The following NRG1 variants were observed in gnomAD, a reference collection of about 807,000 sequenced individuals.
NRG1 encodes the protein pro-neuregulin-1, membrane-bound isoform.
A neutral mutation model predicts 63.8 loss-of-function variants in NRG1; 18 were observed. That is an observed-to-expected ratio of 0.28 (90% confidence interval 0.19 to 0.42). NRG1 has a LOEUF of 0.42. Among genes scored for constraint, NRG1 ranks in the 10% least tolerant of loss-of-function variants. NRG1 has a pLI of 1.00. For missense variants in NRG1, 762 were observed against 814.7 expected (o/e 0.94, Z 0.79); for synonymous variants, 302 against 301.3 (o/e 1.00, Z -0.02).
At chr8:32,193,998 A>G (rs545210356) in intron 1 of NRG1, among the ~76,000 whole-genome samples, 4 of 152,332 alleles carry the variant, frequency 2.6e-5, no homozygotes, top group African/African-American at 9.6e-5. Context: ...TAAGACAACC[A>G]TGTCTGTGGT....
chr8:31,779,073 C>T (rs774784229), intron 1 of NRG1, among the ~76,000 whole-genome samples: 10 of 152,166 alleles, frequency 6.6e-5, no homozygotes, highest in Non-Finnish European at 1.5e-4. Context: ...TCTTCAGGGA[C>T]ATTTTAGCAT....
Position 32,188,788 on chromosome 8 carries a change from A to C in NRG1, c.38-407040A>C, listed in dbSNP as rs567785412. 6.4e-4 allele frequency among the ~76,000 whole-genome samples: 97 copies of C among 151,994 alleles called. No homozygotes were observed. In the South Asian group the frequency reaches 0.02, roughly 31 times the overall value. On this transcript the variant is annotated intron_variant, in intron 1 of 10. Coordinates refer to the NRG1 transcript ENST00000519301. ...AGAACACATGGACACAGGAAGGGGA[A>C]CATCACACTCTGGGGACTGTTGTGG...
intron 1 of NRG1, among the ~76,000 whole-genome samples, chr8:32,379,367 T>C (rs569810814): frequency 2.2e-4 from 34 of 152,238 alleles, no homozygotes; most frequent in African/African-American, 7.5e-4. Flanking sequence ...CTGGGTAAAA[T>C]TGTATTATGG....
rs917740986 is a variant in NRG1, at chr8:32,064,314, C to T, written c.37+424883C>T. On this transcript the variant is annotated intron_variant, in intron 1 of 10. Transcript: ENST00000519301. Reference sequence around the variant, plus strand: ...CTGGACCTGGTACAAGGAAGTGCTGCAATGAATAGCAGGGAGTTAGGGCAG... The same window carrying T: ...CTGGACCTGGTACAAGGAAGTGCTGTAATGAATAGCAGGGAGTTAGGGCAG... Among the ~76,000 whole-genome samples the T allele has an allele frequency of 3.9e-5, 6 of 152,232 alleles. No individual in the cohort carries two copies. In the South Asian group the frequency reaches 1.0e-3, roughly 26 times the overall value.
chr8:32,631,307 G>T (rs1056881546), intron 5 of NRG1, among the ~76,000 whole-genome samples: 5 of 152,194 alleles, frequency 3.3e-5, no homozygotes, highest in Non-Finnish European at 7.3e-5. Context: ...CTTCAACAGT[G>T]ACCTCAAGGC....
intron 1 of NRG1, among the ~76,000 whole-genome samples, chr8:31,667,305 G>A (rs1159859468): frequency 6.6e-6 from 1 of 152,100 alleles, no homozygotes; most frequent in Non-Finnish European, 1.5e-5. Flanking sequence ...AAGCAAATAG[G>A]GTGCCAGAGG....
chr8:32,410,091 T>C (rs1300331131), intron 1 of NRG1, among the ~76,000 whole-genome samples: 1 of 151,288 alleles, frequency 6.6e-6, no homozygotes, highest in African/African-American at 2.4e-5. Context: ...TCCCCCTGTA[T>C]GGAGAAAAAC....
chr8:32,314,443 C>T (rs559283088), intron 1 of NRG1, among the ~76,000 whole-genome samples: 4 of 10,066 alleles, frequency 4.0e-4, no homozygotes, highest in South Asian at 0.027. Flanking sequence ...TGGCGGTCCT[C>T]GCGTGAAGAC....
At position 32,347,717 on chromosome 8, in the gene NRG1, G is replaced by T. The variant is rs189751970; in HGVS notation, c.38-248111G>T. ...TCCAGACTTTTAACAGCCCAGAAAT[G>T]GTTTCAATGTTCTGCATTAAATAAA... On this transcript the variant is annotated intron_variant, in intron 1 of 10. Coordinates refer to the NRG1 transcript ENST00000519301. Among the ~76,000 whole-genome samples, 5 of 152,234 alleles carry T rather than the reference G, an allele frequency of 3.3e-5. No individual in the cohort carries two copies. In the East Asian group the frequency reaches 9.7e-4, roughly 29 times the overall value.
Position 32,447,164 on chromosome 8 carries a change from C to T in NRG1, c.38-148664C>T, listed in dbSNP as rs557598342. 4.6e-5 allele frequency among the ~76,000 whole-genome samples: 7 copies of T among 151,810 alleles called. No individual in the cohort carries two copies. The South Asian group carries it at 1.2e-3, about 27-fold the overall frequency. ...CCTCCCACGTAGCTGGGATTACAGG[C>T]GCCCACCACCACACCCGGCTAATTT... is the stretch of plus-strand genomic sequence containing the variant. On this transcript the variant is annotated intron_variant, in intron 1 of 10. Transcript: ENST00000519301.
intron 5 of NRG1, among the ~76,000 whole-genome samples, chr8:32,671,700 A>C (rs1017050832): frequency 1.3e-5 from 2 of 152,182 alleles, no homozygotes; most frequent in Admixed American, 1.3e-4. Flanking sequence ...AAATACTAAT[A>C]AAATGTTAAT....
chr8:32,021,774 C>T (rs1816488812), intron 1 of NRG1, among the ~76,000 whole-genome samples: 2 of 152,154 alleles, frequency 1.3e-5, no homozygotes, highest in South Asian at 4.1e-4. Context: ...GGACATACAA[C>T]ATTTACCCTA....
At chr8:31,839,907 G>T (rs2129607518) in intron 1 of NRG1, among the ~76,000 whole-genome samples, 1 of 152,254 alleles carries the variant, frequency 6.6e-6, no homozygotes, top group Admixed American at 6.5e-5. Context: ...TGGAGAGGGG[G>T]CCAGGAGGAA....
intron 1 of NRG1, among the ~76,000 whole-genome samples, chr8:32,360,181 A>G (rs904153434): frequency 6.6e-6 from 1 of 152,202 alleles, no homozygotes; most frequent in Admixed American, 6.5e-5. Context: ...CCATGTTTCC[A>G]GGGGCCAAAC....
At chr8:32,463,196 C>T (rs1182656261) in intron 1 of NRG1, among the ~76,000 whole-genome samples, 1 of 152,122 alleles carries the variant, frequency 6.6e-6, no homozygotes, top group Non-Finnish European at 1.5e-5. Flanking sequence ...ACCGCTTCAT[C>T]TGTTAATGGA....
chr8:32,344,419 ATGTGTGTGTGTGTGTG>A (rs397956518), intron 1 of NRG1, among the ~76,000 whole-genome samples: 1 of 57,422 alleles, frequency 1.7e-5, no homozygotes, highest in African/African-American at 5.3e-5. Flanking sequence ...GCGTGCATGC[ATGTGTGTGTGTGTGTG>A]TGTGTGTGTG....
chr8:32,212,055 A>G (rs1051420224), intron 1 of NRG1, among the ~76,000 whole-genome samples: 1 of 152,076 alleles, frequency 6.6e-6, no homozygotes, highest in Non-Finnish European at 1.5e-5. Flanking sequence ...TTCTTCCTAC[A>G]TTTGAATTGC....
rs181629782 is a variant in NRG1, at chr8:32,763,738, G to C, written c.1260-10G>C. 6.5e-7 allele frequency: 1 copy of C among 1,531,614 alleles called. No homozygotes were observed. Among genetic ancestry groups the C allele is most frequent in the Non-Finnish European group, 8.8e-7 (1 of 1,140,578 alleles). The allele number at this position is 1,531,614 out of a possible 1,614,324, so 94.9% of individuals were successfully genotyped here. On this transcript the variant is annotated splice_polypyrimidine_tract_variant and intron_variant, in intron 11 of 11. Coordinates refer to ENST00000356819, the Ensembl canonical transcript of NRG1. ...ACCACACTTATGCAGGGTATTCTGT[G>C]CTCACACAGGTATGTGTCAGCCATG...
intron 5 of NRG1, among the ~76,000 whole-genome samples, chr8:32,622,447 G>T (rs1356685140): frequency 1.3e-5 from 2 of 151,976 alleles, no homozygotes; most frequent in African/African-American, 4.8e-5. Flanking sequence ...CTGTCACCCA[G>T]GCTGGAGTGC....
Sources: gnomAD v4.1 joint callset for allele counts (sites outside exome capture counted in the v4.1 genomes callset) on GRCh38, gnomAD v4.1.1 for gene constraint, MANE v1.5 for transcripts, NCBI Gene and HGNC (gene_info 2026-07-23, HGNC 2026-07-21) for gene names.